Variants in GPC5 observed in about 807,000 individuals in gnomAD.
GPC5 encodes the protein glypican-5.
A neutral mutation model predicts 53.9 loss-of-function variants in GPC5; 47 were observed. The observed-to-expected ratio is 0.87, with a 90% CI of 0.69 to 1.11. GPC5 has a LOEUF of 1.11. GPC5 is among the 50% of genes most tolerant of loss of function. GPC5 has a pLI of 0.00. For missense variants in GPC5, 748 were observed against 713.1 expected (o/e 1.05, Z -0.56); for synonymous variants, 286 against 263.3 (o/e 1.09, Z -0.84).
chr13:92,128,760 C>T (rs1193711839), intron 6 of GPC5, among the ~76,000 whole-genome samples: 3 of 152,056 alleles, frequency 2.0e-5, no homozygotes, highest in Admixed American at 6.6e-5. Flanking sequence ...GTCAGGAGAT[C>T]GAGACTATCC....
intron 2 of GPC5, among the ~76,000 whole-genome samples, chr13:91,669,945 C>T (rs1411714066): frequency 4.6e-5 from 7 of 152,268 alleles, no homozygotes; most frequent in Admixed American, 2.0e-4. Context: ...CTAATTCATC[C>T]TAAGCCTGGC....
intron 6 of GPC5, among the ~76,000 whole-genome samples, chr13:91,972,248 G>T (rs1288705665): frequency 6.6e-6 from 1 of 152,062 alleles, no homozygotes; most frequent in Non-Finnish European, 1.5e-5. Flanking sequence ...TTTGATCTTT[G>T]TTGGTTTAAA....
chr13:91,894,588 A>G (rs988361338), intron 5 of GPC5, among the ~76,000 whole-genome samples: 3 of 152,138 alleles, frequency 2.0e-5, no homozygotes, highest in African/African-American at 7.2e-5. Flanking sequence ...AATCCTATAA[A>G]TCTTGTCAAG....
Position 92,866,485 on chromosome 13 carries a change from T to C in GPC5, c.*46T>C. 3 of 1,460,254 alleles carry C rather than the reference T, an allele frequency of 2.1e-6. No individual in the cohort carries two copies. The highest frequency in any genetic ancestry group is 2.8e-6 in the Non-Finnish European group (3 of 1,078,896). The allele number at this position is 1,460,254 out of a possible 1,614,324, so 90.5% of individuals were successfully genotyped here. The stretch of plus-strand genomic sequence containing the variant: ...ATACCTTACTGAAGTCTCGATTTCT[T>C]CTCTCTCTGCATATGCCTGGAATAA... On this transcript the variant is annotated 3_prime_UTR_variant, in exon 8 of 8. Coordinates refer to ENST00000377067, the MANE Select transcript of GPC5 (RefSeq NM_004466.6).
intron 7 of GPC5, among the ~76,000 whole-genome samples, chr13:92,481,714 C>T (rs1219222119): frequency 6.6e-6 from 1 of 152,024 alleles, no homozygotes; most frequent in Non-Finnish European, 1.5e-5. Flanking sequence ...CCTTTCTTTT[C>T]TAAGATCTAC....
intron 7 of GPC5, among the ~76,000 whole-genome samples, chr13:92,418,447 T>C (rs79873115): frequency 0.011 from 1,727 of 152,216 alleles, 33 homozygotes; most frequent in African/African-American, 0.039. Flanking sequence ...AGAGAGTGAG[T>C]TGATTTTAAA....
At chr13:92,507,964 A>T (rs918641970) in intron 7 of GPC5, among the ~76,000 whole-genome samples, 3 of 152,096 alleles carry the variant, frequency 2.0e-5, no homozygotes, top group Non-Finnish European at 4.4e-5. Context: ...TTAATTAATT[A>T]ATTTAGTTTT....
intron 3 of GPC5, among the ~76,000 whole-genome samples, chr13:91,705,699 C>G (rs1177517310): frequency 6.7e-6 from 1 of 149,290 alleles, no homozygotes; most frequent in Non-Finnish European, 1.5e-5. Flanking sequence ...AAACACCCCC[C>G]CCCCCATATT....
At chr13:92,119,316 T>C (rs2138940911) in intron 6 of GPC5, among the ~76,000 whole-genome samples, 1 of 150,576 alleles carries the variant, frequency 6.6e-6, no homozygotes, top group South Asian at 2.1e-4. Flanking sequence ...TTATGGGAGC[T>C]AAATATCAAA....
intron 6 of GPC5, among the ~76,000 whole-genome samples, chr13:91,945,874 A>G (rs1392521779): frequency 6.6e-6 from 1 of 152,170 alleles, no homozygotes; most frequent in Non-Finnish European, 1.5e-5. Context: ...TGATTCATAC[A>G]CTTTTAGAAG....
intron 6 of GPC5, among the ~76,000 whole-genome samples, chr13:91,909,850 G>A (rs1016974397): frequency 2.6e-5 from 4 of 152,056 alleles, no homozygotes; most frequent in Non-Finnish European, 4.4e-5. Flanking sequence ...TGCCAGTTCT[G>A]GTTTTGTAGG....
chr13:91,747,510 A>G (rs1394056475), intron 4 of GPC5, among the ~76,000 whole-genome samples: 1 of 152,212 alleles, frequency 6.6e-6, no homozygotes, highest in Non-Finnish European at 1.5e-5. Context: ...GGCATTAGCC[A>G]GTGATTAGAA....
At chr13:92,310,980 T>C (rs1049152620) in intron 7 of GPC5, among the ~76,000 whole-genome samples, 3 of 152,178 alleles carry the variant, frequency 2.0e-5, no homozygotes, top group Non-Finnish European at 4.4e-5. Context: ...GAATATTTTC[T>C]ATGTCAATGG....
intron 7 of GPC5, among the ~76,000 whole-genome samples, chr13:92,385,470 A>G (rs1380553807): frequency 2.9e-5 from 4 of 136,372 alleles, no homozygotes; most frequent in South Asian, 2.3e-4. Flanking sequence ...ACACATATAT[A>G]CATATATACA....
rs34336057 is a variant in GPC5 at position 92,632,463 on chromosome 13, C to CATATAT, written c.1562-233801_1562-233796dup. Among the ~76,000 whole-genome samples, 99 of 120,108 alleles carry CATATAT rather than the reference C, an allele frequency of 8.2e-4. 1 individual carries two copies. Among genetic ancestry groups the CATATAT allele is most frequent in the African/African-American group, 2.6e-3 (92 of 35,208 alleles). 78.8% of individuals were successfully genotyped at this position (120,108 alleles called of 152,430 possible). A position where few individuals can be genotyped will look rare whatever the true frequency, so the allele number is the denominator to read the frequency against. ...TTCTTTTGGAGGAGAAAATATTCCACATATATATATATATATATATATACA... is the reference window on the plus strand; with the variant it reads ...TTCTTTTGGAGGAGAAAATATTCCACATATATATATATATATATATATATATATACA... On this transcript the variant is annotated intron_variant, in intron 7 of 7. Coordinates refer to ENST00000377067, the MANE Select transcript of GPC5 (RefSeq NM_004466.6).
intron 7 of GPC5, among the ~76,000 whole-genome samples, chr13:92,323,897 A>G (rs1035907679): frequency 2.6e-5 from 4 of 151,976 alleles, no homozygotes; most frequent in African/African-American, 9.7e-5. Flanking sequence ...TATGACAATG[A>G]CTCATATCAA....
chr13:92,685,562 T>TTTTTTTTTTTTAATTTTTTTTTTTAA (rs1555302930), intron 7 of GPC5, among the ~76,000 whole-genome samples: 1 of 69,372 alleles, frequency 1.4e-5, no homozygotes, highest in African/African-American at 5.6e-5. Context: ...TTTTTTTAAT[T>TTTTTTTTTTTTAATTTTTTTTTTTAA]TTTTTTTTTT....
chr13:92,838,856 T>G (rs1198918983), intron 7 of GPC5, among the ~76,000 whole-genome samples: 1 of 152,200 alleles, frequency 6.6e-6, no homozygotes, highest in Admixed American at 6.5e-5. Context: ...AAATTTCCTA[T>G]GAAAACAAGT....
At chr13:92,642,385 G>A (rs545529871) in intron 7 of GPC5, among the ~76,000 whole-genome samples, 5 of 152,060 alleles carry the variant, frequency 3.3e-5, no homozygotes, top group South Asian at 4.2e-4. Context: ...TCCTCTTGGC[G>A]GTCTTTGGGA....
Sources: gnomAD v4.1 joint callset for allele counts (sites outside exome capture counted in the v4.1 genomes callset) on GRCh38, gnomAD v4.1.1 for gene constraint, MANE v1.5 for transcripts, NCBI Gene and HGNC (gene_info 2026-07-23, HGNC 2026-07-21) for gene names.